IQSEC3: variants seen among roughly 807,000 people sequenced by gnomAD.
IQSEC3 encodes IQ motif and SEC7 domain-containing protein 3.
IQSEC3 carries 50 observed loss-of-function variants against 105.4 expected under a neutral mutation model. The ratio of observed to expected loss-of-function variants is 0.47; its 90% CI spans 0.38 to 0.60. The LOEUF is 0.60. Ranked by LOEUF, IQSEC3 falls within the 20% of genes least tolerant of loss-of-function variation. IQSEC3 has a pLI of 0.00. For missense variants in IQSEC3, 1,415 were observed against 1,630.0 expected, an observed-to-expected ratio of 0.87 and a Z score of 2.27; for synonymous variants, 708 against 746.0, an observed-to-expected ratio of 0.95 and a Z score of 0.83.
intron 11 of IQSEC3, 160 bp downstream of exon 11, chr12:166,050 AG>A: frequency 2.8e-6 from 2 of 709,728 alleles, no homozygotes; most frequent in Non-Finnish European, 4.6e-6. Context: ...CCCGGGTGGG[AG>A]CACCGGTTCC....
chr12:156,155 ACC>A (rs1425998764), intron 5 of IQSEC3, among the ~76,000 whole-genome samples: 4 of 151,306 alleles, frequency 2.6e-5, no homozygotes, highest in Non-Finnish European at 5.9e-5. Flanking sequence ...CTGGCATGTG[ACC>A]CCACACCCCC....
chr12:117,889 A>G (rs968201825), intron 2 of IQSEC3, among the ~76,000 whole-genome samples: 3 of 152,140 alleles, frequency 2.0e-5, no homozygotes, highest in Non-Finnish European at 4.4e-5. Flanking sequence ...TCAAGGGGCC[A>G]TGGCAGGGGA....
chr12:107,691 T>G lies in IQSEC3; in HGVS notation c.623+8477T>G, dbSNP rs547763405. Reference sequence around the variant, plus strand: ...TCCCAAAGTGCTGGGATTACAGGCGTGAGCCACCGCGCCCGGCCGGTAGTC... The same window carrying G: ...TCCCAAAGTGCTGGGATTACAGGCGGGAGCCACCGCGCCCGGCCGGTAGTC... On this transcript the variant is annotated intron_variant, in intron 2 of 13. Coordinates refer to ENST00000538872, the MANE Select transcript of IQSEC3 (RefSeq NM_001170738.2). 1.1e-4 allele frequency among the ~76,000 whole-genome samples: 16 copies of G among 152,188 alleles called. No individual in the cohort carries two copies. In the East Asian group the frequency reaches 3.1e-3, roughly 29 times the overall value.
At position 152,311 on chromosome 12, in the gene IQSEC3, G is replaced by A. The variant is rs1866538000; in HGVS notation, c.2154-4714G>A. ...CACGCATGCACCAAGAGGCTCTCCT[G>A]TGTAACTGTGTCCACGGGCTTCTCC... On this transcript the variant is annotated intron_variant, in intron 5 of 13. Coordinates refer to ENST00000538872, the MANE Select transcript of IQSEC3 (RefSeq NM_001170738.2). The surrounding 1 kb of genome is among the most constrained non-coding windows in gnomAD (Gnocchi z 4.8). 6.6e-6 allele frequency among the ~76,000 whole-genome samples: 1 copy of A among 152,188 alleles called. No individual in the cohort carries two copies.
At chr12:121,155 G>A (rs532248836) in intron 2 of IQSEC3, among the ~76,000 whole-genome samples, 2 of 152,278 alleles carry the variant, frequency 1.3e-5, no homozygotes, top group African/African-American at 4.8e-5. Context: ...GACCCACTAG[G>A]GATGACAGCT....
At position 176,095 on chromosome 12, in the gene IQSEC3, A is replaced by T. The variant is rs969073581; in HGVS notation, c.*1062A>T. 1 of 152,164 alleles carries T rather than the reference A, an allele frequency of 6.6e-6. No homozygotes were observed. Among genetic ancestry groups the T allele is most frequent in the Non-Finnish European group, 1.5e-5 (1 of 68,042 alleles). The allele number at this position is 152,164 out of a possible 1,614,324, so 9.4% of individuals were successfully genotyped here. A position where few individuals can be genotyped will look rare whatever the true frequency, so the allele number is the denominator to read the frequency against. On this transcript the variant is annotated 3_prime_UTR_variant, in exon 14 of 14. Transcript: ENST00000538872. The surrounding 1 kb of genome is among the most constrained non-coding windows in gnomAD (Gnocchi z 4.0). ...AAACCGGGGCTCCAGAGGCATGTGC[A>T]TTTCCCCTGCGCCCCTCAGCCTTTA...
chr12:103,880 G>GGGGCTCTGGAGGGGGGGC (rs1555077138), intron 2 of IQSEC3, among the ~76,000 whole-genome samples: 1 of 24,166 alleles, frequency 4.1e-5, no homozygotes, highest in Non-Finnish European at 8.3e-5. Flanking sequence ...GAGGGGAGGC[G>GGGGCTCTGGAGGGGGGGC]GGGGCTCGGG....
chr12:166,000 C>G, intron 11 of IQSEC3, 110 bp downstream of exon 11: 2 of 1,263,618 alleles, frequency 1.6e-6, no homozygotes, highest in Non-Finnish European at 2.2e-6. Flanking sequence ...CACTTCGGAC[C>G]CTCCCCGTGT....
chr12:141,315 A>G, intron 5 of IQSEC3, 30 bp downstream of exon 5: 2 of 1,592,974 alleles, frequency 1.3e-6, no homozygotes, highest in East Asian at 2.3e-5. Flanking sequence ...GGCTTTCCCC[A>G]CTCCTTCCCA....
rs1555088424 is a variant in IQSEC3, at chr12:139,371, C to T, written c.1991+17C>T. 1 of 1,522,244 alleles carries T rather than the reference C, an allele frequency of 6.6e-7. No homozygotes were observed. The allele number at this position is 1,522,244 out of a possible 1,614,324, so 94.3% of individuals were successfully genotyped here. A position where few individuals can be genotyped will look rare whatever the true frequency, so the allele number is the denominator to read the frequency against. ...CTTCAACATGTAAGTCAGCCCCGGC[C>T]CCCAGCCCGGAGTCCTGGGCGTCCT... is the stretch of plus-strand genomic sequence containing the variant. On this transcript the variant is annotated intron_variant, in intron 4 of 13. Transcript: ENST00000538872.
At chr12:111,744 G>A (rs1325135328) in intron 2 of IQSEC3, 1 of 152,166 alleles carries the variant, frequency 6.6e-6, no homozygotes, top group African/African-American at 2.4e-5. Flanking sequence ...TGGACAGAGT[G>A]GGCCACACAA....
chr12:67,090 C>T lies in IQSEC3; in HGVS notation c.208C>T (p.Pro70Ser), dbSNP rs1161087760. 1 of 1,527,122 alleles carries T rather than the reference C, an allele frequency of 6.5e-7. No homozygotes were observed. The highest frequency in any genetic ancestry group is 1.4e-5 in the African/African-American group (1 of 71,342). The allele number at this position is 1,527,122 out of a possible 1,614,324, so 94.6% of individuals were successfully genotyped here. ...AGCCCAGCCTCCGCCCGGGCTCGTC[C>T]CCCCGTCATCGGCCCCGCTGCCGGC... ...LQAQPPPGLV[P>S]PSSAPLPAAP... The change falls in exon 1 of 14, where the codon CCC becomes TCC. Residue 70 changes from proline to serine, a missense_variant. Transcript: ENST00000538872.
chr12:153,591 C>T (rs1194457460), intron 5 of IQSEC3, among the ~76,000 whole-genome samples: 2 of 152,176 alleles, frequency 1.3e-5, no homozygotes, highest in African/African-American at 4.8e-5. Context: ...GTCTGAGAAA[C>T]CCAGAATAGC....
At chr12:111,066 G>C (rs1484400907) in intron 2 of IQSEC3, among the ~76,000 whole-genome samples, 3 of 152,188 alleles carry the variant, frequency 2.0e-5, no homozygotes, top group Admixed American at 6.5e-5. Flanking sequence ...TTCCTGAGAT[G>C]TATGGGGGGG....
At chr12:75,914 G>A (rs1266019653) in intron 1 of IQSEC3, among the ~76,000 whole-genome samples, 3 of 152,220 alleles carry the variant, frequency 2.0e-5, no homozygotes, top group Non-Finnish European at 2.9e-5. Context: ...GGCTGGTTGG[G>A]GTGTGAGACG....
intron 3 of IQSEC3, among the ~76,000 whole-genome samples, chr12:136,503 G>T (rs1242603119): frequency 6.6e-6 from 1 of 152,118 alleles, no homozygotes; most frequent in African/African-American, 2.4e-5. Context: ...CTCCAGTGGA[G>T]CAGGAAGCAG....
chr12:80,313 T>C (rs1339389057), intron 1 of IQSEC3, among the ~76,000 whole-genome samples: 1 of 152,182 alleles, frequency 6.6e-6, no homozygotes, highest in African/African-American at 2.4e-5. Context: ...TCAGCAGTTA[T>C]CAAGTTTGGG....
intron 2 of IQSEC3, among the ~76,000 whole-genome samples, chr12:118,084 A>G (rs1483613897): frequency 6.6e-6 from 1 of 152,160 alleles, no homozygotes; most frequent in Non-Finnish European, 1.5e-5. Flanking sequence ...CCCTCTTACA[A>G]TGAGGATACA....
At chr12:100,343 C>A (rs1185549763) in intron 2 of IQSEC3, among the ~76,000 whole-genome samples, 1 of 152,184 alleles carries the variant, frequency 6.6e-6, no homozygotes, top group Admixed American at 6.5e-5. Context: ...AAGCTTAGGG[C>A]GCCGGACTCC....
Sources: allele counts gnomAD v4.1 joint callset (sites outside exome capture counted in the v4.1 genomes callset), GRCh38; gene constraint gnomAD v4.1.1; non-coding constraint Gnocchi (gnomAD v3.1); transcripts MANE v1.5; gene names NCBI Gene and HGNC (gene_info 2026-07-23, HGNC 2026-07-21).